The following CNTNAP5 variants were observed in gnomAD, a reference collection of about 807,000 sequenced individuals.
CNTNAP5 encodes the protein contactin-associated protein-like 5.
Under a neutral mutation model 150.2 loss-of-function variants are expected in CNTNAP5, and 72 were observed. The observed-to-expected ratio is 0.48, with a 90% CI of 0.40 to 0.58. The LOEUF (loss-of-function observed/expected upper bound fraction) is 0.58, where lower values mean the gene tolerates loss of function less well. Ranked by LOEUF, CNTNAP5 falls within the 20% of genes least tolerant of loss-of-function variation. The pLI, the probability that CNTNAP5 is intolerant of heterozygous loss-of-function variation, is 0.00. For synonymous variants in CNTNAP5, 672 were observed against 619.8 expected (o/e 1.08, Z -1.25); for missense variants, 1,636 against 1,626.2 (o/e 1.01, Z -0.10).
At chr2:124,425,540 A>C (rs547900932) in intron 4 of CNTNAP5, among the ~76,000 whole-genome samples, 2 of 152,112 alleles carry the variant, frequency 1.3e-5, no homozygotes, top group East Asian at 3.9e-4. Context: ...CCTTTTGCTA[A>C]CCTGTCTATA....
intron 5 of CNTNAP5, 50 bp downstream of exon 5, chr2:124,434,737 C>A: frequency 6.8e-7 from 1 of 1,472,688 alleles, no homozygotes; most frequent in South Asian, 1.2e-5. Context: ...AGCTCCTTTA[C>A]TCCACAGCTC....
intron 11 of CNTNAP5, among the ~76,000 whole-genome samples, chr2:124,605,600 C>G (rs768797042): frequency 6.6e-6 from 1 of 151,702 alleles, no homozygotes; most frequent in Non-Finnish European, 1.5e-5. Flanking sequence ...GTGGATCACA[C>G]GGTCAGGAAT....
intron 12 of CNTNAP5, among the ~76,000 whole-genome samples, chr2:124,631,349 G>A (rs985841577): frequency 9.9e-5 from 15 of 152,048 alleles, no homozygotes; most frequent in African/African-American, 3.6e-4. Context: ...AGTAAACAAA[G>A]CAATATGGTA....
rs1226027227 is a variant in CNTNAP5, at chr2:124,917,584, G to T, written c.*3296G>T. ...TAAAACAACTTTTTTCCTCTCCTTA[G>T]TAATAACAGAGATGGTATTAACTTG... On this transcript the variant is annotated 3_prime_UTR_variant, in exon 24 of 24. Coordinates refer to ENST00000682447, the MANE Select transcript of CNTNAP5 (RefSeq NM_001367498.1). 6.6e-6 allele frequency among the ~76,000 whole-genome samples: 1 copy of T among 152,028 alleles called. No homozygotes were observed. The highest frequency in any genetic ancestry group is 1.5e-5 in the Non-Finnish European group (1 of 67,996).
chr2:124,142,268 C>T lies in CNTNAP5; in HGVS notation c.83-79437C>T, dbSNP rs1445629244. Among the ~76,000 whole-genome samples, 23 of 112,998 alleles carry T rather than the reference C, an allele frequency of 2.0e-4. No homozygotes were observed. In the East Asian group the frequency reaches 5.2e-3, roughly 25 times the overall value. The allele number at this position is 112,998 out of a possible 152,430, so 74.1% of individuals were successfully genotyped here. On this transcript the variant is annotated intron_variant, in intron 1 of 23. Transcript: ENST00000682447. ...TCAACAAGGATACCCAGGAATTGAACTCAGCTCTGCACCAAGCGGACCTAA... is the reference window on the plus strand; with the variant it reads ...TCAACAAGGATACCCAGGAATTGAATTCAGCTCTGCACCAAGCGGACCTAA...
At chr2:124,605,809 CA>C (rs36090348) in intron 11 of CNTNAP5, among the ~76,000 whole-genome samples, 386 of 34,432 alleles carry the variant, frequency 0.011, no homozygotes, top group African/African-American at 0.036. Context: ...AAGACTCTGT[CA>C]AAAAAAAAAA....
chr2:124,835,848 T>A (rs1343748326), intron 19 of CNTNAP5, among the ~76,000 whole-genome samples: 1 of 152,158 alleles, frequency 6.6e-6, no homozygotes, highest in Non-Finnish European at 1.5e-5. Flanking sequence ...CTCTTCTGAC[T>A]TACTAAAAAC....
chr2:124,790,127 C>T lies in CNTNAP5; in HGVS notation c.2978C>T (p.Pro993Leu), dbSNP rs1573619109. The T allele has an allele frequency of 1.2e-6, 2 of 1,609,364 alleles. No individual in the cohort carries two copies. Among genetic ancestry groups the T allele is most frequent in the East Asian group, 2.2e-5 (1 of 44,782 alleles). The change falls in exon 18 of 24, where the codon CCC becomes CTC. Residue 993 changes from proline to leucine, a missense_variant. Physicochemically the swap from Pro to Leu is moderately conservative, Grantham distance 98. Transcript: ENST00000682447. ...CDCTNSPYEG[P>L]FCKKEVSAVF... ...TGCACCAATTCACCTTATGAAGGGC[C>T]CTTTTGCAAAAAAGGTACCTTAGGC...
chr2:124,592,534 C>A, intron 11 of CNTNAP5, among the ~76,000 whole-genome samples: 1 of 150,758 alleles, frequency 6.6e-6, no homozygotes, highest in Non-Finnish European at 1.5e-5. Context: ...TCTGACCTTG[C>A]TTATAGGAAA....
chr2:124,533,451 G>A (rs1558943100), intron 10 of CNTNAP5, among the ~76,000 whole-genome samples: 1 of 152,182 alleles, frequency 6.6e-6, no homozygotes, highest in Non-Finnish European at 1.5e-5. Context: ...GCCGTACTCT[G>A]AGAACAATGC....
chr2:124,043,663 C>T (rs1393380840), intron 1 of CNTNAP5, among the ~76,000 whole-genome samples: 1 of 152,076 alleles, frequency 6.6e-6, no homozygotes, highest in Non-Finnish European at 1.5e-5. Context: ...TTGTGCTTAC[C>T]AACCTGTGTG....
intron 1 of CNTNAP5, among the ~76,000 whole-genome samples, chr2:124,117,896 T>TA (rs1455945254): frequency 6.6e-6 from 1 of 152,082 alleles, no homozygotes; most frequent in East Asian, 1.9e-4. Context: ...CCAGCCTGGG[T>TA]AACATGGCAA....
At chr2:124,623,786 A>G (rs1677665904) in intron 12 of CNTNAP5, among the ~76,000 whole-genome samples, 3 of 152,252 alleles carry the variant, frequency 2.0e-5, no homozygotes, top group South Asian at 2.1e-4. Flanking sequence ...TGGCACAAGC[A>G]TTGTTTCCTG....
intron 12 of CNTNAP5, among the ~76,000 whole-genome samples, chr2:124,644,534 T>A (rs992155222): frequency 6.6e-6 from 1 of 152,210 alleles, no homozygotes; most frequent in Non-Finnish European, 1.5e-5. Flanking sequence ...AATGAATGTA[T>A]GAACAATCAG....
intron 13 of CNTNAP5, among the ~76,000 whole-genome samples, chr2:124,677,026 T>C (rs112842346): frequency 0.021 from 3,247 of 152,288 alleles, 44 homozygotes; most frequent in Middle Eastern, 0.037. Flanking sequence ...TGATTCCTTC[T>C]GGTGGGTTCT....
At chr2:124,817,043 A>G (rs779278580) in intron 19 of CNTNAP5, among the ~76,000 whole-genome samples, 89 of 152,346 alleles carry the variant, frequency 5.8e-4, no homozygotes, top group African/African-American at 1.9e-3. Context: ...AGTCCTTATT[A>G]TTATTAAAAA....
intron 1 of CNTNAP5, among the ~76,000 whole-genome samples, chr2:124,185,922 A>T (rs1259595978): frequency 6.6e-6 from 1 of 152,194 alleles, no homozygotes; most frequent in Non-Finnish European, 1.5e-5. Context: ...ATGTTAATGG[A>T]TATATTCAAA....
chr2:124,337,876 T>C (rs958768061), intron 3 of CNTNAP5, among the ~76,000 whole-genome samples: 6 of 152,118 alleles, frequency 3.9e-5, no homozygotes, highest in African/African-American at 1.4e-4. Flanking sequence ...TGGTTCCATA[T>C]GAACTTTAAA....
intron 17 of CNTNAP5, among the ~76,000 whole-genome samples, chr2:124,780,670 T>G (rs1011312870): frequency 3.9e-5 from 6 of 152,230 alleles, no homozygotes; most frequent in Non-Finnish European, 7.3e-5. Flanking sequence ...AGCCTTTTTT[T>G]GGGTTGTTTG....
Sources: allele counts gnomAD v4.1 joint callset (sites outside exome capture counted in the v4.1 genomes callset), GRCh38; gene constraint gnomAD v4.1.1; transcripts MANE v1.5; gene names NCBI Gene and HGNC (gene_info 2026-07-23, HGNC 2026-07-21).